IQUB: variants seen among roughly 807,000 people sequenced by gnomAD.
IQUB encodes the protein IQ motif and ubiquitin-like domain-containing protein.
In IQUB, 86 loss-of-function variants were observed where a neutral mutation model predicts 86.4. The observed-to-expected ratio is 1.00, with a 90% CI of 0.84 to 1.19. The LOEUF is 1.19. Ranked by LOEUF, IQUB falls within the 50% of genes most tolerant of loss-of-function variation. The pLI is 0.00. For synonymous variants in IQUB, 289 were observed against 304.5 expected, an observed-to-expected ratio of 0.95 and a Z score of 0.53; for missense variants, 946 against 916.9, an observed-to-expected ratio of 1.03 and a Z score of -0.41.
At chr7:123,471,638 C>CCA (rs1554582810) in intron 8 of IQUB, among the ~76,000 whole-genome samples, 2 of 151,488 alleles carry the variant, frequency 1.3e-5, no homozygotes, top group Non-Finnish European at 2.9e-5. Flanking sequence ...GTTTTCCCCC[C>CCA]CAAGTTTTTA....
At chr7:123,463,857 A>G (rs1021806832) in intron 10 of IQUB, among the ~76,000 whole-genome samples, 5 of 151,824 alleles carry the variant, frequency 3.3e-5, no homozygotes, top group East Asian at 3.9e-4. Context: ...TATAAACTGA[A>G]TAAGTCTACA....
chr7:123,509,638 C>CACA (rs1796331652), intron 3 of IQUB, among the ~76,000 whole-genome samples: 1 of 152,188 alleles, frequency 6.6e-6, no homozygotes, highest in South Asian at 2.1e-4. Flanking sequence ...ATGGTAGCTA[C>CACA]TGCATGCATC....
At chr7:123,498,065 C>A (rs569063311) in intron 6 of IQUB, among the ~76,000 whole-genome samples, 18 of 151,352 alleles carry the variant, frequency 1.2e-4, no homozygotes, top group African/African-American at 4.4e-4. Context: ...GAAGGTGACA[C>A]CCAGGATGAA....
intron 9 of IQUB, 115 bp from the exon 10 acceptor site, chr7:123,465,124 A>AG: frequency 1.5e-6 from 1 of 678,672 alleles, no homozygotes; most frequent in Non-Finnish European, 2.5e-6. Flanking sequence ...AACATTGTCA[A>AG]TAGGAGTATA....
intron 11 of IQUB, among the ~76,000 whole-genome samples, chr7:123,460,866 G>A (rs754095258): frequency 1.3e-5 from 2 of 151,704 alleles, no homozygotes; most frequent in Non-Finnish European, 2.9e-5. Context: ...TAGGGTCAAT[G>A]ATCCAATGCA....
chr7:123,528,110 A>C (rs1257205574), intron 1 of IQUB, among the ~76,000 whole-genome samples: 3 of 152,144 alleles, frequency 2.0e-5, no homozygotes, highest in Admixed American at 6.5e-5. Flanking sequence ...TTCTTTGACT[A>C]GGAAAGGGAA....
chr7:123,507,601 C>T (rs1584625006), intron 3 of IQUB, among the ~76,000 whole-genome samples: 1 of 152,134 alleles, frequency 6.6e-6, no homozygotes, highest in Admixed American at 6.6e-5. Context: ...AACATGAGGG[C>T]CAGGTGCAGT....
chr7:123,519,875 C>T (rs995376675), intron 1 of IQUB, among the ~76,000 whole-genome samples: 33 of 152,192 alleles, frequency 2.2e-4, no homozygotes, highest in Middle Eastern at 3.4e-3. Flanking sequence ...ATTGTATGCA[C>T]GTATCAAATA....
intron 12 of IQUB, 43 bp from the exon 13 acceptor site, chr7:123,452,968 A>G: frequency 1.3e-6 from 2 of 1,502,582 alleles, no homozygotes; most frequent in Non-Finnish European, 9.0e-7. Flanking sequence ...TCACAGATAT[A>G]TTTTGCCAGG....
intron 6 of IQUB, among the ~76,000 whole-genome samples, chr7:123,497,813 C>A (rs1238589737): frequency 6.7e-6 from 1 of 150,342 alleles, no homozygotes; most frequent in African/African-American, 2.5e-5. Context: ...ATCCCTTCAA[C>A]AAAAGAGGCC....
chr7:123,453,240 T>TCTAA (rs1178694353), intron 12 of IQUB, among the ~76,000 whole-genome samples: 4 of 145,548 alleles, frequency 2.7e-5, no homozygotes, highest in Non-Finnish European at 6.0e-5. Context: ...TAGCCCTTAT[T>TCTAA]CTAACTGGGG....
chr7:123,517,582 A>C (rs1316555739), intron 1 of IQUB, among the ~76,000 whole-genome samples: 2 of 151,010 alleles, frequency 1.3e-5, no homozygotes, highest in Non-Finnish European at 1.5e-5. Context: ...ATCTTTTAAG[A>C]CTGTTCAGTA....
intron 1 of IQUB, among the ~76,000 whole-genome samples, chr7:123,515,692 A>G (rs2117284920): frequency 1.3e-5 from 2 of 152,346 alleles, no homozygotes; most frequent in African/African-American, 2.4e-5. Flanking sequence ...TCAAATCACA[A>G]TGAGATAGCA....
chr7:123,493,245 C>T (rs1197715906), intron 7 of IQUB, among the ~76,000 whole-genome samples: 2 of 152,104 alleles, frequency 1.3e-5, no homozygotes, highest in Admixed American at 6.6e-5. Context: ...TTTCACTAGG[C>T]ATTTGGTCAG....
intron 10 of IQUB, chr7:123,462,775 G>A (rs34691578): frequency 0.13 from 56,715 of 449,940 alleles, 4,212 homozygotes; most frequent in Middle Eastern, 0.21. Context: ...GTTAGCACAC[G>A]TCTCCATTAT....
Position 123,528,323 on chromosome 7 carries a change from G to A in IQUB, c.-5+6169C>T, listed in dbSNP as rs1584664934. On this transcript the variant is annotated intron_variant, in intron 1 of 12. Transcript: ENST00000324698. ...TGTTGACCAGAGCTATTCCTATTTG[G>A]ACATCTTGACTCCTCCCCGAAAAAA... is the stretch of plus-strand genomic sequence containing the variant. Among the ~76,000 whole-genome samples, 3 of 152,094 alleles carry A rather than the reference G, an allele frequency of 2.0e-5. No homozygotes were observed. In the South Asian group the frequency reaches 6.2e-4, roughly 32 times the overall value.
intron 12 of IQUB, among the ~76,000 whole-genome samples, chr7:123,455,729 T>C (rs1316867880): frequency 6.6e-6 from 1 of 152,088 alleles, no homozygotes; most frequent in East Asian, 1.9e-4. Context: ...TCCACTTATT[T>C]AGCTAATCTT....
rs529360747 is a variant in IQUB at position 123,510,448 on chromosome 7, A to G, written c.398-413T>C. 2.0e-5 allele frequency among the ~76,000 whole-genome samples: 3 copies of G among 152,240 alleles called. No homozygotes were observed. In the South Asian group the frequency reaches 6.2e-4, roughly 32 times the overall value. ...ACAAAGAGGGACATTATATGGCTCA[A>G]TCCCCTCTAGAAAAGAGAGAATCAA... On this transcript the variant is annotated intron_variant, in intron 2 of 12. Transcript: ENST00000324698.
At chr7:123,523,020 A>T (rs1341764380) in intron 1 of IQUB, among the ~76,000 whole-genome samples, 2 of 150,478 alleles carry the variant, frequency 1.3e-5, no homozygotes, top group African/African-American at 4.9e-5. Flanking sequence ...ATGTCCCTAC[A>T]AAGGACATGA....
Sources: allele counts gnomAD v4.1 joint callset (sites outside exome capture counted in the v4.1 genomes callset), GRCh38; gene constraint gnomAD v4.1.1; transcripts MANE v1.5; gene names NCBI Gene and HGNC (gene_info 2026-07-23, HGNC 2026-07-21).